RBPMS: variants seen among roughly 807,000 people sequenced by gnomAD.
The protein encoded by RBPMS is RNA binding protein, mRNA processing factor.
Under a neutral mutation model 26.8 loss-of-function variants are expected in RBPMS, and 7 were observed. That is an observed-to-expected ratio of 0.26 (90% confidence interval 0.15 to 0.49). RBPMS has a LOEUF of 0.49. Among genes scored for constraint, RBPMS ranks in the 20% least tolerant of loss-of-function variants. The pLI is 0.98. For missense variants in RBPMS, 186 were observed against 250.0 expected, an observed-to-expected ratio of 0.74 and a Z score of 1.73; for synonymous variants, 96 against 93.3, an observed-to-expected ratio of 1.03 and a Z score of -0.17.
chr8:30,385,113 C>T lies in RBPMS; in HGVS notation c.21C>T (p.Ala7=). The T allele has an allele frequency of 6.5e-7, 1 of 1,527,254 alleles. No homozygotes were observed. Among genetic ancestry groups the T allele is most frequent in the Non-Finnish European group, 8.8e-7 (1 of 1,138,836 alleles). The allele number at this position is 1,527,254 out of a possible 1,614,324, so 94.6% of individuals were successfully genotyped here. A position where few individuals can be genotyped will look rare whatever the true frequency, so the allele number is the denominator to read the frequency against. The change falls in exon 1 of 9, where the codon GCC becomes GCT. Residue 7 remains alanine, a synonymous_variant. Transcript: ENST00000397323. ...GGAAGATGAACAACGGCGGCAAAGC[C>T]GAGAAGGAGAACACCCCGAGCGAGG... MNNGGK[A]EKENTPSEAN...
At chr8:30,474,128 A>T (rs1171458208) in intron 1 of RBPMS, among the ~76,000 whole-genome samples, 2 of 152,168 alleles carry the variant, frequency 1.3e-5, no homozygotes, top group Admixed American at 6.5e-5. Flanking sequence ...AATGGGAACA[A>T]TAGTCAGTGA....
At chr8:30,420,172 G>A (rs775588182) in intron 1 of RBPMS, among the ~76,000 whole-genome samples, 6 of 151,956 alleles carry the variant, frequency 3.9e-5, no homozygotes, top group Non-Finnish European at 7.4e-5. Flanking sequence ...AGGCTGCAGT[G>A]GGCCGTGATC....
At chr8:30,520,274 A>G (rs1017797696) in intron 5 of RBPMS, among the ~76,000 whole-genome samples, 1 of 152,136 alleles carries the variant, frequency 6.6e-6, no homozygotes, top group Non-Finnish European at 1.5e-5. Flanking sequence ...TTTCAGTGCA[A>G]ATTTTCCGCC....
At chr8:30,549,711 C>T (rs1437565112) in intron 6 of RBPMS, 7 of 640,458 alleles carry the variant, frequency 1.1e-5, no homozygotes, top group Non-Finnish European at 2.0e-5. Flanking sequence ...CTTTCCCAGG[C>T]CCTTCCTGGA....
chr8:30,545,407 C>T (rs2151050971), intron 6 of RBPMS: 1 of 1,053,454 alleles, frequency 9.5e-7, no homozygotes. Context: ...AGATTCACCT[C>T]TGGAGATCAC....
intron 1 of RBPMS, among the ~76,000 whole-genome samples, chr8:30,469,630 A>G (rs1204919374): frequency 6.6e-6 from 1 of 152,222 alleles, no homozygotes; most frequent in Non-Finnish European, 1.5e-5. Context: ...TCTAAGAAAT[A>G]TGTTTCCCCA....
chr8:30,484,722 G>A (rs1489660403), intron 4 of RBPMS, among the ~76,000 whole-genome samples: 2 of 152,148 alleles, frequency 1.3e-5, no homozygotes, highest in Non-Finnish European at 2.9e-5. Context: ...AATATGCTGA[G>A]AAAAGACTTA....
chr8:30,489,484 C>T lies in RBPMS; in HGVS notation c.246+10107C>T, dbSNP rs565616957. ...TTTCTTTTCTTTTTTTCGAGACAGT[C>T]TCGCTCTGTCGCCCAGGCTGGAGTG... On this transcript the variant is annotated intron_variant, in intron 4 of 8. Coordinates refer to ENST00000397323, the MANE Select transcript of RBPMS (RefSeq NM_001008710.3). Among the ~76,000 whole-genome samples the T allele has an allele frequency of 1.1e-4, 16 of 152,298 alleles. No individual in the cohort carries two copies. The South Asian group carries it at 3.3e-3, about 32-fold the overall frequency.
At chr8:30,506,716 T>C (rs1264492348) in intron 5 of RBPMS, among the ~76,000 whole-genome samples, 1 of 152,228 alleles carries the variant, frequency 6.6e-6, no homozygotes, top group Middle Eastern at 3.2e-3. Context: ...TAGTCTTTGT[T>C]GTAGGCCATA....
intron 4 of RBPMS, among the ~76,000 whole-genome samples, chr8:30,503,053 A>G (rs1820723767): frequency 6.6e-6 from 1 of 151,406 alleles, no homozygotes; most frequent in African/African-American, 2.4e-5. Flanking sequence ...AGTTCCACCC[A>G]CTCCAAGACT....
intron 4 of RBPMS, among the ~76,000 whole-genome samples, chr8:30,480,076 A>C (rs1023655854): frequency 5.3e-5 from 8 of 152,234 alleles, no homozygotes; most frequent in Non-Finnish European, 1.2e-4. Context: ...GGAAGGAAGC[A>C]GAATGTGGTT....
chr8:30,387,781 G>A lies in RBPMS; in HGVS notation c.66+2623G>A, dbSNP rs116925517. Among the ~76,000 whole-genome samples, 36 of 152,198 alleles carry A rather than the reference G, an allele frequency of 2.4e-4. No individual in the cohort carries two copies. The East Asian group carries it at 6.4e-3, about 27-fold the overall frequency. On this transcript the variant is annotated intron_variant, in intron 1 of 8. Transcript: ENST00000397323. ...TGTTTTTTTCTGTGTTTCTAGTTTC[G>A]AAACGAATTCCTTCTATCAATCAGT... is the stretch of plus-strand genomic sequence containing the variant.
chr8:30,430,940 TTGA>T (rs1355650198), intron 1 of RBPMS, among the ~76,000 whole-genome samples: 6 of 152,158 alleles, frequency 3.9e-5, no homozygotes, highest in Admixed American at 2.0e-4. Context: ...TTTGGTGAGG[TTGA>T]TGAAAAGTGA....
At chr8:30,420,772 T>C (rs2150620341) in intron 1 of RBPMS, among the ~76,000 whole-genome samples, 2 of 152,302 alleles carry the variant, frequency 1.3e-5, no homozygotes, top group Middle Eastern at 6.8e-3. Context: ...AAAAGGAAAA[T>C]CTGTCAAGCC....
At chr8:30,428,178 CA>C (rs1811564175) in intron 1 of RBPMS, among the ~76,000 whole-genome samples, 1 of 151,926 alleles carries the variant, frequency 6.6e-6, no homozygotes, top group Non-Finnish European at 1.5e-5. Context: ...TGCACACCAC[CA>C]CGCCCAGCTA....
chr8:30,484,887 T>A (rs1388509463), intron 4 of RBPMS, among the ~76,000 whole-genome samples: 1 of 152,248 alleles, frequency 6.6e-6, no homozygotes, highest in African/African-American at 2.4e-5. Context: ...ACTAAATAGT[T>A]TGAGCTTTCC....
In RBPMS at chr8:30,464,642, T is replaced by C. The variant is rs980230042; in HGVS notation, c.67-10137T>C. Among the ~76,000 whole-genome samples, 4 of 152,338 alleles carry C rather than the reference T, an allele frequency of 2.6e-5. No homozygotes were observed. In the East Asian group the frequency reaches 7.7e-4, roughly 29 times the overall value. ...TTCTTCCTGGTACTTTAAATGACCA[T>C]GAACTCTGTGTTGTCTGGGTTAGTT... On this transcript the variant is annotated intron_variant, in intron 1 of 8. Coordinates refer to ENST00000397323, the MANE Select transcript of RBPMS (RefSeq NM_001008710.3).
chr8:30,471,353 A>G (rs1186642163), intron 1 of RBPMS, among the ~76,000 whole-genome samples: 2 of 152,222 alleles, frequency 1.3e-5, no homozygotes, highest in Non-Finnish European at 2.9e-5. Context: ...CCAGATTTCA[A>G]GTAACCTCTG....
At chr8:30,512,360 T>C (rs1304263434) in intron 5 of RBPMS, among the ~76,000 whole-genome samples, 2 of 152,214 alleles carry the variant, frequency 1.3e-5, no homozygotes, top group Non-Finnish European at 2.9e-5. Flanking sequence ...TTTGGTTGGA[T>C]TTAGTTTAGA....
Sources: gnomAD v4.1 joint callset for allele counts (sites outside exome capture counted in the v4.1 genomes callset) on GRCh38, gnomAD v4.1.1 for gene constraint, MANE v1.5 for transcripts, NCBI Gene and HGNC (gene_info 2026-07-23, HGNC 2026-07-21) for gene names.